The following MTO1 variants were observed in gnomAD, a reference collection of about 807,000 sequenced individuals.
MTO1 encodes the protein 5-taurinomethyluridine-[tRNA] synthase subunit MTO1, mitochondrial.
Under a neutral mutation model 71.6 loss-of-function variants are expected in MTO1, and 46 were observed. The observed-to-expected ratio is 0.64, with a 90% confidence interval of 0.51 to 0.82. The LOEUF is 0.82. Among genes scored for constraint, MTO1 ranks in the 40% least tolerant of loss-of-function variants. The probability of loss-of-function intolerance (pLI) is 0.00; values close to 1 mark genes in which losing one functional copy is unlikely to be tolerated. For missense variants in MTO1, 773 were observed against 867.5 expected, an observed-to-expected ratio of 0.89 and a Z score of 1.37; for synonymous variants, 297 against 312.1, an observed-to-expected ratio of 0.95 and a Z score of 0.51.
At chr6:73,496,486 T>A (rs936035195) in intron 10 of MTO1, among the ~76,000 whole-genome samples, 34 of 152,050 alleles carry the variant, frequency 2.2e-4, no homozygotes, top group African/African-American at 5.8e-4. Context: ...TTCTTTTTTT[T>A]AATTATTATT....
Position 73,480,110 on chromosome 6 carries a change from T to C in MTO1, c.1113T>C (p.Ala371=). Residue 371 remains alanine, a synonymous_variant, in exon 6 of 12, where the codon GCT becomes GCC. Transcript: ENST00000498286. ...MITCIRGLEK[A]KVIQPGYGVQ... is the part of the protein sequence containing the mutation. ...CATGCATCAGAGGCTTGGAGAAAGC[T>C]AAAGTGATTCAGCCAGGTAAAGAAG... 6.2e-7 allele frequency: 1 copy of C among 1,613,944 alleles called. No individual in the cohort carries two copies. Among genetic ancestry groups the C allele is most frequent in the Non-Finnish European group, 8.5e-7 (1 of 1,179,948 alleles).
chr6:73,471,632 G>A, intron 3 of MTO1: 1 of 230,936 alleles, frequency 4.3e-6, no homozygotes, highest in East Asian at 1.4e-4. Context: ...TGCCAGGACT[G>A]GTCTTGAACC....
At position 73,508,264 on chromosome 6, in the gene MTO1, T is replaced by A. The variant is rs1187080486; in HGVS notation, c.*7529T>A. 1 of 152,308 alleles carries A rather than the reference T, an allele frequency of 6.6e-6. No homozygotes were observed. Among genetic ancestry groups the A allele is most frequent in the East Asian group, 1.9e-4 (1 of 5,190 alleles). 9.4% of individuals were successfully genotyped at this position (152,308 alleles called of 1,614,324 possible). A position where few individuals can be genotyped will look rare whatever the true frequency, so the allele number is the denominator to read the frequency against. On this transcript the variant is annotated 3_prime_UTR_variant, in exon 12 of 12. Transcript: ENST00000498286. ...GAAGACAATAATAATTTCTTAGAAT[T>A]TGCTAGGCTAAACAACTATTTTTTA...
intron 11 of MTO1, 90 bp from the exon 12 acceptor site, chr6:73,500,484 C>T: frequency 1.0e-6 from 1 of 1,002,326 alleles, no homozygotes; most frequent in Non-Finnish European, 1.4e-6. Flanking sequence ...ATTGTATAAA[C>T]TATACTATAC....
intron 9 of MTO1, among the ~76,000 whole-genome samples, chr6:73,485,046 C>CAA (rs56004560): frequency 3.8e-4 from 40 of 105,038 alleles, no homozygotes; most frequent in East Asian, 1.9e-3. Context: ...GTCTCTGTAT[C>CAA]AAAAAAAAAA....
chr6:73,480,352 A>G (rs1311617455), intron 6 of MTO1: 3 of 682,996 alleles, frequency 4.4e-6, no homozygotes, highest in South Asian at 3.0e-5. Context: ...GGCTCACCAC[A>G]ACCTCCCCCT....
In MTO1 at chr6:73,508,768, G is replaced by A. The variant is rs1421304068; in HGVS notation, c.*8033G>A. On this transcript the variant is annotated 3_prime_UTR_variant, in exon 12 of 12. Coordinates refer to ENST00000498286, the MANE Select transcript of MTO1 (RefSeq NM_012123.4). ...AAAATCACCTCATTTCTCATCAGAT[G>A]TTTACTGGGTTGCTAGTTATATATA... The A allele has an allele frequency of 1.3e-5, 2 of 152,192 alleles. No individual in the cohort carries two copies. The highest frequency in any genetic ancestry group is 2.9e-5 in the Non-Finnish European group (2 of 68,032). The allele number at this position is 152,192 out of a possible 1,614,324, so 9.4% of individuals were successfully genotyped here.
chr6:73,473,077 C>T (rs780031290), intron 3 of MTO1, among the ~76,000 whole-genome samples: 4 of 152,096 alleles, frequency 2.6e-5, no homozygotes, highest in Admixed American at 6.6e-5. Context: ...GTCGGGAATT[C>T]GAGACCAGCC....
intron 4 of MTO1, among the ~76,000 whole-genome samples, chr6:73,479,439 G>A (rs1771424660): frequency 6.6e-6 from 1 of 152,094 alleles, no homozygotes; most frequent in Non-Finnish European, 1.5e-5. Context: ...AGGTTGGAGT[G>A]AGCTGAGATC....
chr6:73,475,240 G>A (rs1482239588), intron 4 of MTO1, among the ~76,000 whole-genome samples: 1 of 152,028 alleles, frequency 6.6e-6, no homozygotes, highest in Non-Finnish European at 1.5e-5. Flanking sequence ...TGGGATTACA[G>A]GCATGAGCGA....
chr6:73,482,196 C>T lies in MTO1; in HGVS notation c.1417C>T (p.Arg473Cys), dbSNP rs1175598290. Reference sequence around the variant, plus strand: ...CATGTTTACCAGCCGAGTAGAGTTCCGTTTGTCACTGCGCCCTGATAATGC... The same window carrying T: ...CATGTTTACCAGCCGAGTAGAGTTCTGTTTGTCACTGCGCCCTGATAATGC... ...YRMFTSRVEF[R>C]LSLRPDNADS... Residue 473 changes from arginine (R) to cysteine (C), a missense_variant, in exon 8 of 12, where the codon CGT (arginine) becomes TGT (cysteine). By Grantham distance (180) the Arg-to-Cys change is radical. Transcript: ENST00000498286. 3.7e-6 allele frequency: 6 copies of T among 1,613,994 alleles called. No homozygotes were observed. Among genetic ancestry groups the T allele is most frequent in the Non-Finnish European group, 5.1e-6 (6 of 1,180,040 alleles).
Position 73,461,786 on chromosome 6 carries a change from T to C in MTO1, c.-69T>C. Reference sequence around the variant, plus strand: ...AGATGGCCGCGCCCTGCAGATTGTCTCTTGTTGCGTAAGTTTTTTTGACCG... The same window carrying C: ...AGATGGCCGCGCCCTGCAGATTGTCCCTTGTTGCGTAAGTTTTTTTGACCG... On this transcript the variant is annotated 5_prime_UTR_variant, in exon 1 of 12. Coordinates refer to ENST00000498286, the MANE Select transcript of MTO1 (RefSeq NM_012123.4). 1 of 1,526,672 alleles carries C rather than the reference T, an allele frequency of 6.6e-7. No individual in the cohort carries two copies. The highest frequency in any genetic ancestry group is 9.0e-7 in the Non-Finnish European group (1 of 1,111,046). 94.6% of individuals were successfully genotyped at this position (1,526,672 alleles called of 1,614,324 possible). A position where few individuals can be genotyped will look rare whatever the true frequency, so the allele number is the denominator to read the frequency against.
At position 73,482,213 on chromosome 6, in the gene MTO1, T is replaced by C. The variant is rs147362731; in HGVS notation, c.1434T>C (p.Pro478=). The C allele has an allele frequency of 7.4e-6, 12 of 1,614,166 alleles. No homozygotes were observed. In the African/African-American group the frequency reaches 1.5e-4, roughly 20 times the overall value. The change falls in exon 8 of 12, where the codon CCT becomes CCC. Residue 478 remains proline (P), a synonymous_variant. Transcript: ENST00000498286. ...SRVEFRLSLR[P]DNADSRLTLR... ...TAGAGTTCCGTTTGTCACTGCGCCC[T>C]GATAATGCTGACAGCCGGCTCACAC...
intron 4 of MTO1, among the ~76,000 whole-genome samples, chr6:73,474,268 A>G (rs1417111849): frequency 6.6e-6 from 1 of 151,798 alleles, no homozygotes; most frequent in African/African-American, 2.4e-5. Context: ...TATTTTTAAT[A>G]GAGACAGTGT....
chr6:73,465,302 T>G (rs1770951274), intron 1 of MTO1, among the ~76,000 whole-genome samples: 1 of 151,992 alleles, frequency 6.6e-6, no homozygotes, highest in African/African-American at 2.4e-5. Flanking sequence ...TAGCTGGGAT[T>G]ACAGGTGCAA....
intron 9 of MTO1, among the ~76,000 whole-genome samples, chr6:73,489,952 T>A (rs1411480991): frequency 6.6e-6 from 1 of 152,138 alleles, no homozygotes; most frequent in Non-Finnish European, 1.5e-5. Flanking sequence ...CAGCACCTGT[T>A]GTTTCCTGAT....
intron 3 of MTO1, chr6:73,471,471 G>A (rs6453676): frequency 0.18 from 80,244 of 447,510 alleles, 7,503 homozygotes; most frequent in East Asian, 0.22. Flanking sequence ...CTGGAGTGCA[G>A]TGGCATGATC....
At chr6:73,464,849 A>AC (rs1561938526) in intron 1 of MTO1, among the ~76,000 whole-genome samples, 2 of 149,906 alleles carry the variant, frequency 1.3e-5, no homozygotes, top group East Asian at 3.9e-4. Flanking sequence ...AAAAAAAAAA[A>AC]AAAAAAAAAA....
intron 3 of MTO1, chr6:73,471,832 C>T (rs1236640078): frequency 6.2e-6 from 1 of 160,680 alleles, no homozygotes; most frequent in Non-Finnish European, 1.4e-5. Flanking sequence ...ACCATTTTAA[C>T]CATTTTTAAG....
Sources: allele counts gnomAD v4.1 joint callset (sites outside exome capture counted in the v4.1 genomes callset), GRCh38; gene constraint gnomAD v4.1.1; transcripts MANE v1.5; gene names NCBI Gene and HGNC (gene_info 2026-07-23, HGNC 2026-07-21).